SIRPG: variants seen among roughly 807,000 people sequenced by gnomAD.
SIRPG encodes signal regulatory protein gamma.
Under a neutral mutation model 35.7 loss-of-function variants are expected in SIRPG, and 38 were observed. That is an observed-to-expected ratio of 1.06 (90% confidence interval 0.82 to 1.40). SIRPG has a LOEUF of 1.40. Among genes scored for constraint, SIRPG ranks in the 40% most tolerant of loss-of-function variants. The pLI is 0.00. For missense variants in SIRPG, 519 were observed against 483.0 expected (o/e 1.07, Z -0.70); for synonymous variants, 215 against 190.4 (o/e 1.13, Z -1.06).
chr20:1,641,513 T>C (rs1016561958), intron 2 of SIRPG, among the ~76,000 whole-genome samples: 2 of 152,154 alleles, frequency 1.3e-5, no homozygotes, highest in Non-Finnish European at 2.9e-5. Context: ...TTTATTAGTC[T>C]AGCTAGTGGT....
chr20:1,666,740 G>C, the SIRPG span: 1 of 152,270 alleles, frequency 6.6e-6, no homozygotes, highest in Non-Finnish European at 1.5e-5. Context: ...GACTTCACGT[G>C]CATGCATCAC....
chr20:1,654,683 G>T (rs889863598), intron 1 of SIRPG, among the ~76,000 whole-genome samples: 2 of 152,066 alleles, frequency 1.3e-5, no homozygotes, highest in East Asian at 1.9e-4. Flanking sequence ...TAGACAAAAG[G>T]CATTAACAAC....
chr20:1,661,986 T>C (rs2091997222), upstream of SIRPG, among the ~76,000 whole-genome samples: 2 of 152,204 alleles, frequency 1.3e-5, no homozygotes, highest in African/African-American at 4.8e-5. Context: ...GTGGCACATT[T>C]GAGGGCTTGT....
At chr20:1,674,979 A>T in the SIRPG span, among the ~76,000 whole-genome samples, 2 of 152,288 alleles carry the variant, frequency 1.3e-5, no homozygotes, top group South Asian at 4.2e-4. Context: ...TAACAGAGCA[A>T]GTGCCCTGAA....
chr20:1,651,243 C>A (rs2091938449), intron 1 of SIRPG: 1 of 152,250 alleles, frequency 6.6e-6, no homozygotes, highest in Non-Finnish European at 1.5e-5. Flanking sequence ...CCACATCCCA[C>A]AAACAAGTTG....
intron 1 of SIRPG, 110 bp downstream of exon 1, chr20:1,657,532 C>T (rs1348917361): frequency 1.8e-6 from 2 of 1,083,922 alleles, no homozygotes; most frequent in Non-Finnish European, 2.8e-6. Flanking sequence ...ATGTCCAGTC[C>T]TTGACCTTCC....
chr20:1,643,880 G>A (rs1423953774), intron 2 of SIRPG, among the ~76,000 whole-genome samples: 1 of 152,102 alleles, frequency 6.6e-6, no homozygotes, highest in South Asian at 2.1e-4. Flanking sequence ...TCATCTGGTT[G>A]GCTCCCACAC....
the SIRPG span, among the ~76,000 whole-genome samples, chr20:1,683,786 G>A: frequency 6.6e-6 from 1 of 152,076 alleles, no homozygotes; most frequent in South Asian, 2.1e-4. Context: ...TGGCCAACAT[G>A]GTGAAACCCC....
At chr20:1,638,199 C>A (rs1437959655) in intron 2 of SIRPG, among the ~76,000 whole-genome samples, 1 of 152,148 alleles carries the variant, frequency 6.6e-6, no homozygotes, top group African/African-American at 2.4e-5. Context: ...TTGAGGGGGT[C>A]CTCGTGTGAG....
At chr20:1,653,474 T>C (rs1415702753) in intron 1 of SIRPG, among the ~76,000 whole-genome samples, 1 of 152,182 alleles carries the variant, frequency 6.6e-6, no homozygotes, top group East Asian at 1.9e-4. Context: ...ATGACAAGGA[T>C]AAGGATAAGG....
At chr20:1,676,034 G>A in the SIRPG span, among the ~76,000 whole-genome samples, 1 of 152,138 alleles carries the variant, frequency 6.6e-6, no homozygotes, top group Non-Finnish European at 1.5e-5. Flanking sequence ...TGGCAAAGAG[G>A]AGTGAGCACT....
intron 4 of SIRPG, among the ~76,000 whole-genome samples, chr20:1,633,046 G>A (rs2091764088): frequency 6.6e-6 from 1 of 152,132 alleles, no homozygotes; most frequent in Non-Finnish European, 1.5e-5. Context: ...TTTTAGATAT[G>A]AGGTTGAAAC....
At chr20:1,673,463 C>T in the SIRPG span, among the ~76,000 whole-genome samples, 134 of 152,234 alleles carry the variant, frequency 8.8e-4, no homozygotes, top group African/African-American at 3.1e-3. Context: ...CCTGGCATGT[C>T]GTAGGTGCTT....
chr20:1,644,184 T>G (rs1056888970), intron 2 of SIRPG, among the ~76,000 whole-genome samples: 2 of 152,202 alleles, frequency 1.3e-5, no homozygotes, highest in Non-Finnish European at 2.9e-5. Flanking sequence ...AAACTAAGTC[T>G]GCCAGACTAA....
the SIRPG span, chr20:1,676,972 C>A: frequency 6.5e-6 from 1 of 153,356 alleles, no homozygotes; most frequent in South Asian, 2.0e-4. Context: ...TTTCATTGAT[C>A]GAGTGCATAT....
At chr20:1,671,957 T>G in the SIRPG span, among the ~76,000 whole-genome samples, 1 of 152,232 alleles carries the variant, frequency 6.6e-6, no homozygotes, top group Non-Finnish European at 1.5e-5. Flanking sequence ...TGTAACAGTC[T>G]GCAGAGATTT....
upstream of SIRPG, among the ~76,000 whole-genome samples, chr20:1,659,503 C>T (rs187388852): frequency 5.8e-4 from 89 of 152,324 alleles, no homozygotes; most frequent in Admixed American, 5.4e-3. Context: ...ATTATAACAG[C>T]TATCATTTAT....
chr20:1,663,825 G>C, the SIRPG span, among the ~76,000 whole-genome samples: 1 of 152,284 alleles, frequency 6.6e-6, no homozygotes, highest in Non-Finnish European at 1.5e-5. Context: ...ATCCCAGAGA[G>C]AGGAGGGAGA....
intron 2 of SIRPG, among the ~76,000 whole-genome samples, chr20:1,644,093 C>T (rs964831284): frequency 6.6e-6 from 1 of 152,194 alleles, no homozygotes; most frequent in Non-Finnish European, 1.5e-5. Context: ...TTTGACTGTC[C>T]CTTGGTGGAG....
Sources: gnomAD v4.1 joint callset for allele counts (sites outside exome capture counted in the v4.1 genomes callset) on GRCh38, gnomAD v4.1.1 for gene constraint, MANE v1.5 for transcripts, NCBI Gene and HGNC (gene_info 2026-07-23, HGNC 2026-07-21) for gene names.